The following TBC1D15 variants were observed in gnomAD, a reference collection of about 807,000 sequenced individuals.
The protein encoded by TBC1D15 is TBC1 domain family member 15.
In TBC1D15, 39 loss-of-function variants were observed where a neutral mutation model predicts 95.4. That is an observed-to-expected ratio of 0.41 (90% confidence interval 0.32 to 0.53). TBC1D15 has a LOEUF of 0.53. Ranked by LOEUF, TBC1D15 falls within the 20% of genes least tolerant of loss-of-function variation. The pLI, the probability that TBC1D15 is intolerant of heterozygous loss-of-function variation, is 0.29. For missense variants in TBC1D15, 733 were observed against 794.3 expected (o/e 0.92, Z 0.93); for synonymous variants, 258 against 261.3 (o/e 0.99, Z 0.12).
rs781770152 is a variant in TBC1D15, at chr12:71,896,658, A to C, written c.985-19A>C. ...ACATTCTTTTTCATTCATGTATTTA[A>C]TATGTATGCTTTCTTCAGGGACTTA... On this transcript the variant is annotated intron_variant, in intron 8 of 16. Coordinates refer to ENST00000485960, the MANE Select transcript of TBC1D15 (RefSeq NM_001146213.3). 5 of 1,589,720 alleles carry C rather than the reference A, an allele frequency of 3.1e-6. No individual in the cohort carries two copies. Among genetic ancestry groups the C allele is most frequent in the Non-Finnish European group, 4.3e-6 (5 of 1,165,638 alleles).
At chr12:71,896,250 TC>T in intron 8 of TBC1D15, 175 bp downstream of exon 8, 1 of 567,932 alleles carries the variant, frequency 1.8e-6, no homozygotes. Flanking sequence ...GCCTTAAAAT[TC>T]CTGGATTGAG....
chr12:71,850,092 T>C (rs916108373), intron 1 of TBC1D15: 1 of 518,102 alleles, frequency 1.9e-6, no homozygotes, highest in Non-Finnish European at 3.7e-6. Flanking sequence ...GATAATCTAA[T>C]ATCAGAAGAC....
At chr12:71,896,427 ACTGT>A (rs201514021) in intron 8 of TBC1D15, 42 of 465,670 alleles carry the variant, frequency 9.0e-5, no homozygotes, top group South Asian at 1.7e-4. Flanking sequence ...CACCAGTCAC[ACTGT>A]CTGTCTGCTG....
intron 1 of TBC1D15, among the ~76,000 whole-genome samples, chr12:71,852,388 T>A (rs1217173185): frequency 6.6e-6 from 1 of 152,240 alleles, no homozygotes; most frequent in African/African-American, 2.4e-5. Flanking sequence ...CAAGGCCTTT[T>A]CCCCATTGTC....
chr12:71,890,075 C>G (rs978525078), intron 5 of TBC1D15, among the ~76,000 whole-genome samples: 1 of 152,152 alleles, frequency 6.6e-6, no homozygotes, highest in Admixed American at 6.5e-5. Context: ...CATGCCTTTG[C>G]TATTGTGAAT....
chr12:71,898,194 G>GT (rs1898605078), intron 10 of TBC1D15, among the ~76,000 whole-genome samples: 1 of 151,752 alleles, frequency 6.6e-6, no homozygotes, highest in Admixed American at 6.6e-5. Context: ...TAAAAAGATT[G>GT]TTTACCTTTA....
At chr12:71,912,679 A>C (rs1902685656) in intron 11 of TBC1D15, among the ~76,000 whole-genome samples, 1 of 152,142 alleles carries the variant, frequency 6.6e-6, no homozygotes, top group African/African-American at 2.4e-5. Flanking sequence ...TCTTTCATTA[A>C]ATATTTACTT....
At chr12:71,883,795 T>C (rs1472396387) in intron 4 of TBC1D15, among the ~76,000 whole-genome samples, 2 of 152,168 alleles carry the variant, frequency 1.3e-5, no homozygotes, top group African/African-American at 4.8e-5. Flanking sequence ...GACTTGCTTA[T>C]GTTGGAGTTA....
At chr12:71,889,945 C>T (rs1896919226) in intron 5 of TBC1D15, among the ~76,000 whole-genome samples, 1 of 152,194 alleles carries the variant, frequency 6.6e-6, no homozygotes, top group African/African-American at 2.4e-5. Context: ...CCTCCAGCTT[C>T]ATCCATGTTG....
intron 4 of TBC1D15, among the ~76,000 whole-genome samples, chr12:71,880,839 G>T (rs533107186): frequency 4.6e-5 from 7 of 152,242 alleles, no homozygotes; most frequent in African/African-American, 1.7e-4. Context: ...ATTAATGGCA[G>T]AAAGTAGAAC....
intron 10 of TBC1D15, among the ~76,000 whole-genome samples, chr12:71,898,858 T>A (rs1898748970): frequency 6.6e-6 from 1 of 152,144 alleles, no homozygotes; most frequent in African/African-American, 2.4e-5. Context: ...GAAAACAAGA[T>A]CTTTTTGGCA....
intron 1 of TBC1D15, among the ~76,000 whole-genome samples, chr12:71,840,732 T>G (rs1047330211): frequency 6.6e-6 from 1 of 152,200 alleles, no homozygotes; most frequent in Non-Finnish European, 1.5e-5. Flanking sequence ...GTTTCACTCA[T>G]GTCTCCCTGT....
chr12:71,840,050 A>G (rs927068181), intron 1 of TBC1D15, among the ~76,000 whole-genome samples: 1 of 152,104 alleles, frequency 6.6e-6, no homozygotes, highest in Non-Finnish European at 1.5e-5. Context: ...TCTGCCCCAG[A>G]GCAGAGAGGC....
intron 10 of TBC1D15, among the ~76,000 whole-genome samples, chr12:71,904,884 G>A (rs1368517643): frequency 6.6e-6 from 1 of 152,146 alleles, no homozygotes; most frequent in Non-Finnish European, 1.5e-5. Context: ...AATAGAGCAG[G>A]ATTGCCAAAC....
At chr12:71,849,958 A>G (rs1887352543) in intron 1 of TBC1D15, 2 of 528,880 alleles carry the variant, frequency 3.8e-6, no homozygotes, top group Non-Finnish European at 7.3e-6. Context: ...GTGTTGATCC[A>G]GTATTGCAGG....
intron 1 of TBC1D15, chr12:71,854,633 T>C (rs1212930152): frequency 2.2e-6 from 1 of 456,552 alleles, no homozygotes; most frequent in African/African-American, 2.0e-5. Flanking sequence ...CCAGTAGATG[T>C]TTGGATAGCT....
intron 6 of TBC1D15, 146 bp from the exon 7 acceptor site, chr12:71,894,540 A>C: frequency 9.2e-7 from 1 of 1,089,720 alleles, no homozygotes; most frequent in East Asian, 2.6e-5. Context: ...GAAGAAAGAA[A>C]ATACAAATTT....
At chr12:71,840,345 G>C (rs1432138246) in intron 1 of TBC1D15, among the ~76,000 whole-genome samples, 1 of 152,226 alleles carries the variant, frequency 6.6e-6, no homozygotes, top group Non-Finnish European at 1.5e-5. Flanking sequence ...GAGTTGGTTG[G>C]TGGTTGTGAG....
At chr12:71,902,266 C>T (rs932795010) in intron 10 of TBC1D15, among the ~76,000 whole-genome samples, 3 of 152,084 alleles carry the variant, frequency 2.0e-5, no homozygotes, top group Non-Finnish European at 4.4e-5. Context: ...CCCAAATAGC[C>T]AAAGCAATCT....
Sources: allele counts gnomAD v4.1 joint callset (sites outside exome capture counted in the v4.1 genomes callset), GRCh38; gene constraint gnomAD v4.1.1; transcripts MANE v1.5; gene names NCBI Gene and HGNC (gene_info 2026-07-23, HGNC 2026-07-21).